Variants in ORC5 observed in about 807,000 individuals in gnomAD.
ORC5 encodes origin recognition complex subunit 5.
Under a neutral mutation model 58.8 loss-of-function variants are expected in ORC5, and 39 were observed. The observed-to-expected ratio is 0.66, with a 90% CI of 0.51 to 0.87. The LOEUF (loss-of-function observed/expected upper bound fraction) is 0.87, where lower values mean the gene tolerates loss of function less well. Ranked by LOEUF, ORC5 falls within the 40% of genes least tolerant of loss-of-function variation. The pLI is 0.00. For missense variants in ORC5, 493 were observed against 506.3 expected, an observed-to-expected ratio of 0.97 and a Z score of 0.25; for synonymous variants, 218 against 177.6, an observed-to-expected ratio of 1.23 and a Z score of -1.81.
chr7:104,152,583 A>G (rs1455682653), intron 12 of ORC5, among the ~76,000 whole-genome samples: 1 of 152,200 alleles, frequency 6.6e-6, no homozygotes, highest in African/African-American at 2.4e-5. Context: ...AAATTTGCCT[A>G]TATAGTCACT....
At chr7:104,205,746 GT>G (rs1800064093) in intron 1 of ORC5, among the ~76,000 whole-genome samples, 1 of 152,240 alleles carries the variant, frequency 6.6e-6, no homozygotes, top group Non-Finnish European at 1.5e-5. Flanking sequence ...GCAGGATGCA[GT>G]GGCTCAAGCC....
At chr7:104,161,435 G>A (rs1799020911) in intron 11 of ORC5, among the ~76,000 whole-genome samples, 1 of 152,068 alleles carries the variant, frequency 6.6e-6, no homozygotes, top group Admixed American at 6.5e-5. Context: ...GCGCAATCAT[G>A]GCTCACTACA....
intron 12 of ORC5, 121 bp downstream of exon 12, chr7:104,160,951 C>G: frequency 1.6e-6 from 1 of 630,900 alleles, no homozygotes; most frequent in Non-Finnish European, 2.8e-6. Context: ...AAACATGGTT[C>G]ATTATATAGT....
intron 5 of ORC5, among the ~76,000 whole-genome samples, chr7:104,193,599 A>G (rs971752374): frequency 6.6e-6 from 1 of 152,036 alleles, no homozygotes; most frequent in African/African-American, 2.4e-5. Flanking sequence ...TATTACGACA[A>G]GGTAACACTA....
At chr7:104,187,995 G>T in intron 6 of ORC5, 2 of 1,074,866 alleles carry the variant, frequency 1.9e-6, no homozygotes, top group Non-Finnish European at 2.3e-6. Flanking sequence ...ACAAGGAAGA[G>T]TAAGAAGATC....
At chr7:104,172,741 T>C (rs534267207) in intron 8 of ORC5, among the ~76,000 whole-genome samples, 20 of 152,336 alleles carry the variant, frequency 1.3e-4, no homozygotes, top group Non-Finnish European at 2.6e-4. Context: ...TTTTAGGACT[T>C]GCTAAGTTCA....
At chr7:104,193,812 C>A (rs1224878366) in intron 5 of ORC5, among the ~76,000 whole-genome samples, 1 of 151,210 alleles carries the variant, frequency 6.6e-6, no homozygotes, top group Non-Finnish European at 1.5e-5. Flanking sequence ...TTGCAAAAAT[C>A]TATTATCCTA....
At chr7:104,187,958 T>G in intron 6 of ORC5, 1 of 1,023,468 alleles carries the variant, frequency 9.8e-7, no homozygotes, top group Non-Finnish European at 1.2e-6. Context: ...TTTATGGAGT[T>G]CTGCATTTTC....
intron 8 of ORC5, among the ~76,000 whole-genome samples, chr7:104,169,938 A>C (rs1284991151): frequency 1.3e-5 from 2 of 152,166 alleles, no homozygotes; most frequent in Admixed American, 1.3e-4. Context: ...GTTCATCATC[A>C]ATCCTTTTGT....
chr7:104,203,399 T>A lies in ORC5; in HGVS notation c.165+743A>T, dbSNP rs536269420. Among the ~76,000 whole-genome samples, 136 of 152,260 alleles carry A rather than the reference T, an allele frequency of 8.9e-4. 1 individual carries two copies. The highest frequency in any genetic ancestry group is 1.6e-3 in the Non-Finnish European group (110 of 68,022). ...AACTACGTGGTCCACAAGCACAAAA[T>A]GTTAGTTATCCGGCCCTTAAGAAAA... On this transcript the variant is annotated intron_variant, in intron 2 of 13. Transcript: ENST00000297431.
intron 12 of ORC5, among the ~76,000 whole-genome samples, chr7:104,143,964 CAA>C (rs1798714697): frequency 6.6e-6 from 1 of 151,920 alleles, no homozygotes; most frequent in Non-Finnish European, 1.5e-5. Context: ...GCTAAAAATA[CAA>C]AAGTTAGCTG....
intron 5 of ORC5, among the ~76,000 whole-genome samples, chr7:104,193,044 AG>A (rs1205109470): frequency 6.6e-6 from 1 of 152,056 alleles, no homozygotes; most frequent in Non-Finnish European, 1.5e-5. Flanking sequence ...AGAAAAGGTG[AG>A]GGGGGCAGAC....
At chr7:104,183,525 G>A (rs1001568268) in intron 8 of ORC5, among the ~76,000 whole-genome samples, 11 of 152,118 alleles carry the variant, frequency 7.2e-5, no homozygotes, top group African/African-American at 2.7e-4. Flanking sequence ...GGCCATGAAG[G>A]AAGGGTTCAC....
At chr7:104,142,102 A>C (rs1400746823) in intron 12 of ORC5, among the ~76,000 whole-genome samples, 1 of 152,216 alleles carries the variant, frequency 6.6e-6, no homozygotes, top group Non-Finnish European at 1.5e-5. Flanking sequence ...AAGGTCAACT[A>C]ATCTTTGACA....
chr7:104,166,922 C>G, intron 9 of ORC5, 38 bp from the exon 10 acceptor site: 1 of 1,178,772 alleles, frequency 8.5e-7, no homozygotes, highest in Non-Finnish European at 1.3e-6. Context: ...ACTTATTAGG[C>G]TAACATTGGG....
Position 104,195,253 on chromosome 7 carries a change from G to A in ORC5, c.443C>T (p.Ala148Val). ...AAAGAGAACAGTCACATTTCTGTCA[G>A]CCTGTAAAAAGAAAGAAATAAAAGT... Reference protein sequence around the residue: ...LPGFLRLQELADRNVTVLFLS... With the variant: ...LPGFLRLQELVDRNVTVLFLS... Residue 148 changes from alanine to valine, a missense_variant and splice_region_variant, in exon 5 of 14, where the codon GCT (alanine) becomes GTT (valine). Coordinates refer to ENST00000297431, the MANE Select transcript of ORC5 (RefSeq NM_002553.4). The A allele has an allele frequency of 1.3e-6, 2 of 1,508,948 alleles. No homozygotes were observed. Among genetic ancestry groups the A allele is most frequent in the East Asian group, 2.5e-5 (1 of 40,286 alleles). 93.5% of individuals were successfully genotyped at this position (1,508,948 alleles called of 1,614,324 possible).
chr7:104,203,331 T>C (rs943858298), intron 2 of ORC5, among the ~76,000 whole-genome samples: 6 of 152,168 alleles, frequency 3.9e-5, no homozygotes, highest in African/African-American at 4.8e-5. Flanking sequence ...AGAATGCCCA[T>C]GGCTGCTTTC....
At chr7:104,167,031 G>A in intron 9 of ORC5, 147 bp from the exon 10 acceptor site, 4 of 565,636 alleles carry the variant, frequency 7.1e-6, no homozygotes, top group African/African-American at 1.9e-5. Context: ...TGATAATGAT[G>A]GTCGTGGTGG....
In ORC5 at chr7:104,184,188, A is replaced by C; in HGVS notation, c.685-17T>G. 1 of 1,471,432 alleles carries C rather than the reference A, an allele frequency of 6.8e-7. No homozygotes were observed. The highest frequency in any genetic ancestry group is 9.3e-7 in the Non-Finnish European group (1 of 1,080,078). 91.1% of individuals were successfully genotyped at this position (1,471,432 alleles called of 1,614,324 possible). ...AAGTACTGCCTGTAAGTAAAGAAAA[A>C]AAAAGAGAAGAAAAAAAGCACTGAT... On this transcript the variant is annotated splice_polypyrimidine_tract_variant and intron_variant, in intron 6 of 13. Coordinates refer to ENST00000297431, the MANE Select transcript of ORC5 (RefSeq NM_002553.4).
Sources: allele counts gnomAD v4.1 joint callset (sites outside exome capture counted in the v4.1 genomes callset), GRCh38; gene constraint gnomAD v4.1.1; transcripts MANE v1.5; gene names NCBI Gene and HGNC (gene_info 2026-07-23, HGNC 2026-07-21).